The following ZNF341 variants were observed in gnomAD, a reference collection of about 807,000 sequenced individuals.
The protein encoded by ZNF341 is zinc finger protein 341.
A neutral mutation model predicts 87.7 loss-of-function variants in ZNF341; 52 were observed. That is an observed-to-expected ratio of 0.59 (90% CI 0.47 to 0.75). The LOEUF is 0.75. ZNF341 is among the 30% of genes least tolerant of loss of function. ZNF341 has a pLI of 0.00. For missense variants in ZNF341, 977 were observed against 1,145.9 expected (o/e 0.85, Z 2.13); for synonymous variants, 459 against 472.7 (o/e 0.97, Z 0.38).
At chr20:33,769,327 C>A (rs2019474553) in intron 9 of ZNF341, among the ~76,000 whole-genome samples, 1 of 137,378 alleles carries the variant, frequency 7.3e-6, no homozygotes, top group Non-Finnish European at 1.5e-5. Context: ...TATTCAGACC[C>A]ACTAAGTCAG....
chr20:33,785,728 GTT>G (rs1217609917), intron 12 of ZNF341, among the ~76,000 whole-genome samples: 4 of 152,180 alleles, frequency 2.6e-5, no homozygotes, highest in Non-Finnish European at 5.9e-5. Context: ...AAAGGTAACT[GTT>G]AGCGGTCTAG....
At chr20:33,738,256 T>C (rs6088287) in intron 1 of ZNF341, among the ~76,000 whole-genome samples, 50,839 of 151,816 alleles carry the variant, frequency 0.33, 9,753 homozygotes, top group East Asian at 0.7. Context: ...CTGGGCAACA[T>C]AGGGAGATTC....
At chr20:33,789,044 T>G (rs1240990894) in intron 13 of ZNF341, 70 bp downstream of exon 13, 11 of 1,149,420 alleles carry the variant, frequency 9.6e-6, no homozygotes, top group Admixed American at 4.0e-5. Flanking sequence ...CTGGGGAGGG[T>G]GGGACAGATG....
rs1467180612 is a variant in ZNF341, at chr20:33,791,620, G to A, written c.*103G>A. On this transcript the variant is annotated 3_prime_UTR_variant, in exon 15 of 15. Transcript: ENST00000375200. ...TCCTTACCAGTGGAAGCGAGCCATCGAGCCATTGGCAGAAATCCTGCTGAA... is the reference window on the plus strand; with the variant it reads ...TCCTTACCAGTGGAAGCGAGCCATCAAGCCATTGGCAGAAATCCTGCTGAA... The A allele has an allele frequency of 3.2e-5, 42 of 1,296,268 alleles. 1 individual carries two copies. Among genetic ancestry groups the A allele is most frequent in the Middle Eastern group, 2.8e-4 (1 of 3,598 alleles). 80.3% of individuals were successfully genotyped at this position (1,296,268 alleles called of 1,614,324 possible).
chr20:33,770,260 G>A lies in ZNF341; in HGVS notation c.1590G>A (p.Gln530=). ...VHQYSHSLLP[Q]HSPKKDNAVY... Reference sequence around the variant, plus strand: ...AGTACTCCCACAGCCTCCTGCCACAGCACAGCCCCAAGAAGGACAATGCCG... The same window carrying A: ...AGTACTCCCACAGCCTCCTGCCACAACACAGCCCCAAGAAGGACAATGCCG... Residue 530 remains glutamine (Q), a synonymous_variant, in exon 10 of 15, where the codon CAG becomes CAA. Transcript: ENST00000375200. The A allele has an allele frequency of 7.3e-7, 1 of 1,366,970 alleles. No homozygotes were observed. The highest frequency in any genetic ancestry group is 9.8e-7 in the Non-Finnish European group (1 of 1,023,796). The allele number at this position is 1,366,970 out of a possible 1,614,324, so 84.7% of individuals were successfully genotyped here. A position where few individuals can be genotyped will look rare whatever the true frequency, so the allele number is the denominator to read the frequency against.
At chr20:33,737,813 T>C (rs981175636) in intron 1 of ZNF341, among the ~76,000 whole-genome samples, 1 of 151,986 alleles carries the variant, frequency 6.6e-6, no homozygotes, top group African/African-American at 2.4e-5. Context: ...TCTGAAAAGA[T>C]ATCTCAAAAG....
chr20:33,764,561 A>ATATATATATATATATATTTT (rs1266929824), intron 8 of ZNF341, among the ~76,000 whole-genome samples: 4 of 28,408 alleles, frequency 1.4e-4, no homozygotes, highest in Non-Finnish European at 2.7e-4. Context: ...ATATATATAT[A>ATATATATATATATATATTTT]TTTTTTTTTT....
In ZNF341 at chr20:33,749,056, G is replaced by A. The variant is rs757578061; in HGVS notation, c.473G>A (p.Gly158Asp). 6.2e-7 allele frequency: 1 copy of A among 1,613,720 alleles called. No homozygotes were observed. The highest frequency in any genetic ancestry group is 8.5e-7 in the Non-Finnish European group (1 of 1,179,754). Residue 158 changes from glycine (G) to aspartate (D), a missense_variant, in exon 4 of 15, where the codon GGC becomes GAC. Transcript: ENST00000375200. The part of the protein sequence containing the change: ...FTSLDQPMPQ[G>D]PPPVQSSLNM... ...TCCCTGGACCAGCCCATGCCCCAGG[G>A]CCCCCCACCTGTGCAGGTAAGAAGG...
At chr20:33,750,130 A>T (rs1375670874) in intron 4 of ZNF341, among the ~76,000 whole-genome samples, 3 of 152,136 alleles carry the variant, frequency 2.0e-5, no homozygotes, top group African/African-American at 7.2e-5. Context: ...TTAAAAAAAA[A>T]ATTTTTGTAG....
rs886078830 is a variant in ZNF341, at chr20:33,739,568, A to G, written c.32-1334A>G. Reference sequence around the variant, plus strand: ...TCCCCCAGCCACCAATTCAGAGTCTATTGTTTATTGCAGAACAAAAAAGAT... The same window carrying G: ...TCCCCCAGCCACCAATTCAGAGTCTGTTGTTTATTGCAGAACAAAAAAGAT... On this transcript the variant is annotated intron_variant, in intron 1 of 14. Coordinates refer to ENST00000375200, the MANE Select transcript of ZNF341 (RefSeq NM_001282933.2). Among the ~76,000 whole-genome samples, 7 of 152,356 alleles carry G rather than the reference A, an allele frequency of 4.6e-5. 1 individual carries two copies. The highest frequency in any genetic ancestry group is 4.6e-4 in the Admixed American group (7 of 15,294).
At chr20:33,743,949 T>G (rs1185234651) in intron 2 of ZNF341, among the ~76,000 whole-genome samples, 1 of 152,298 alleles carries the variant, frequency 6.6e-6, no homozygotes, top group East Asian at 1.9e-4. Flanking sequence ...ATATGATAGG[T>G]GTGCCAGAGG....
intron 8 of ZNF341, 137 bp downstream of exon 8, chr20:33,762,192 C>A: frequency 2.8e-6 from 2 of 706,804 alleles, no homozygotes; most frequent in Non-Finnish European, 2.1e-6. Flanking sequence ...TAAAATGTGG[C>A]ATAAGATGAA....
intron 1 of ZNF341, among the ~76,000 whole-genome samples, chr20:33,738,164 C>T (rs1310268970): frequency 1.3e-5 from 2 of 148,376 alleles, no homozygotes; most frequent in South Asian, 2.2e-4. Context: ...GTTGGCCAGG[C>T]GTGGTGGCTC....
rs2122754210 is a variant in ZNF341 at position 33,791,410 on chromosome 20, C to T, written c.2458C>T (p.His820Tyr). The part of the protein sequence containing the change: ...GAETELVVPG[H>Y]AEGLGSNLAL... ...GGAAACTGAGCTGGTGGTACCTGGA[C>T]ACGCTGAGGGGCTGGGCTCCAACCT... The change falls in exon 15 of 15, where the codon CAC becomes TAC. Residue 820 changes from histidine (H) to tyrosine (Y), a missense_variant. Coordinates refer to ENST00000375200, the MANE Select transcript of ZNF341 (RefSeq NM_001282933.2). The T allele has an allele frequency of 6.2e-7, 1 of 1,612,272 alleles. No homozygotes were observed. Among genetic ancestry groups the T allele is most frequent in the Non-Finnish European group, 8.5e-7 (1 of 1,179,746 alleles).
chr20:33,758,690 G>A (rs772836230), intron 6 of ZNF341, 26 bp from the exon 7 acceptor site: 2 of 1,601,908 alleles, frequency 1.2e-6, no homozygotes, highest in Non-Finnish European at 1.7e-6. Context: ...CAGCCTCATT[G>A]TCCCCTCCTT....
At chr20:33,779,815 T>G (rs1356610108) in intron 10 of ZNF341, among the ~76,000 whole-genome samples, 11 of 152,098 alleles carry the variant, frequency 7.2e-5, no homozygotes, top group Admixed American at 2.0e-4. Context: ...ATATTTTGAA[T>G]GAGGAGGCCC....
Position 33,761,907 on chromosome 20 carries a change from C to A in ZNF341, c.1074C>A (p.Ala358=). Residue 358 remains alanine, a synonymous_variant, in exon 8 of 15, where the codon GCC becomes GCA. Coordinates refer to ENST00000375200, the MANE Select transcript of ZNF341 (RefSeq NM_001282933.2). ...TCCAGTGCATTGCATGTGGCCGTGC[C>A]TTTGCCCAGAAGTCTAATGTTAAGA... ...KPFQCIACGR[A]FAQKSNVKKH... is the part of the protein sequence containing the mutation. 6.3e-7 allele frequency: 1 copy of A among 1,594,940 alleles called. No individual in the cohort carries two copies. Among genetic ancestry groups the A allele is most frequent in the East Asian group, 2.3e-5 (1 of 44,320 alleles).
chr20:33,790,398 C>T (rs139292958), intron 14 of ZNF341, among the ~76,000 whole-genome samples: 1 of 152,160 alleles, frequency 6.6e-6, no homozygotes, highest in Non-Finnish European at 1.5e-5. Flanking sequence ...TAATTTTGTC[C>T]TGGGGGCTGT....
At chr20:33,774,117 TAAA>T (rs60445142) in intron 10 of ZNF341, among the ~76,000 whole-genome samples, 40 of 100,076 alleles carry the variant, frequency 4.0e-4, no homozygotes, top group Admixed American at 6.6e-4. Flanking sequence ...CTGTCTCTAC[TAAA>T]AAAAAAAAAA....
Sources: gnomAD v4.1 joint callset for allele counts (sites outside exome capture counted in the v4.1 genomes callset) on GRCh38, gnomAD v4.1.1 for gene constraint, MANE v1.5 for transcripts, NCBI Gene and HGNC (gene_info 2026-07-23, HGNC 2026-07-21) for gene names.